The following ADAMTS17 variants were observed in gnomAD, a reference collection of about 807,000 sequenced individuals.
ADAMTS17 encodes A disintegrin and metalloproteinase with thrombospondin motifs 17.
ADAMTS17 carries 113 observed loss-of-function variants against 141.5 expected under a neutral mutation model. The ratio of observed to expected loss-of-function variants is 0.80; its 90% CI spans 0.69 to 0.93. The LOEUF is 0.93. Among genes scored for constraint, ADAMTS17 ranks in the 40% least tolerant of loss-of-function variants. The pLI, the probability that ADAMTS17 is intolerant of heterozygous loss-of-function variation, is 0.00. For missense variants in ADAMTS17, 1,659 were observed against 1,517.9 expected (o/e 1.09, Z -1.54); for synonymous variants, 768 against 630.6 (o/e 1.22, Z -3.27).
rs574457623 is a variant in ADAMTS17, at chr15:100,207,066, A to G, written c.1076-7643T>C. On this transcript the variant is annotated intron_variant, in intron 7 of 21. Transcript: ENST00000268070. ...CTGAAATTCAGAGGTTGAAGCCCTAATCTCCAATGTCACTGTATTTGGAGA... is the reference window on the plus strand; with the variant it reads ...CTGAAATTCAGAGGTTGAAGCCCTAGTCTCCAATGTCACTGTATTTGGAGA... 2.6e-5 allele frequency among the ~76,000 whole-genome samples: 4 copies of G among 152,326 alleles called. No individual in the cohort carries two copies. The East Asian group carries it at 7.7e-4, about 29-fold the overall frequency.
chr15:100,080,019 G>A (rs188863398), intron 15 of ADAMTS17, among the ~76,000 whole-genome samples: 78 of 152,290 alleles, frequency 5.1e-4, no homozygotes, highest in South Asian at 2.1e-3. Flanking sequence ...CCAGCAGGCC[G>A]TATATGTTCT....
intron 6 of ADAMTS17, among the ~76,000 whole-genome samples, chr15:100,255,435 A>T (rs2043292259): frequency 6.6e-6 from 1 of 152,178 alleles, no homozygotes; most frequent in African/African-American, 2.4e-5. Context: ...AGAGATGAAA[A>T]GGCCTAGAGA....
rs115345242 is a variant in ADAMTS17, at chr15:100,030,128, T to C, written c.2591+18729A>G. 6.1e-3 allele frequency among the ~76,000 whole-genome samples: 936 copies of C among 152,260 alleles called. 8 individuals are homozygous for C. The highest frequency in any genetic ancestry group is 0.022 in the African/African-American group (898 of 41,524). On this transcript the variant is annotated intron_variant, in intron 18 of 21. Transcript: ENST00000268070. ...TGACAACTCACTGGGCAGGTGCAGC[T>C]GAAATGTTTTTCCCTCCCTGTTCTC... is the stretch of plus-strand genomic sequence containing the variant.
rs116161278 is a variant in ADAMTS17, at chr15:100,076,871, G to A, written c.2137+19485C>T. Among the ~76,000 whole-genome samples, 1,447 of 151,986 alleles carry A rather than the reference G, an allele frequency of 9.5e-3. 26 individuals carry two copies. Among genetic ancestry groups the A allele is most frequent in the African/African-American group, 0.034 (1,398 of 41,442 alleles). ...CTCAATATTATATCATACTACATTT[G>A]CAATTTTTAAAAACATGTCTCAGAG... On this transcript the variant is annotated intron_variant, in intron 15 of 21. Coordinates refer to ENST00000268070, the MANE Select transcript of ADAMTS17 (RefSeq NM_139057.4).
chr15:100,061,042 C>T (rs1212349445), intron 15 of ADAMTS17, among the ~76,000 whole-genome samples: 3 of 152,188 alleles, frequency 2.0e-5, no homozygotes, highest in Non-Finnish European at 4.4e-5. Context: ...AAGCCGGCTC[C>T]AACCTCCCAC....
intron 7 of ADAMTS17, among the ~76,000 whole-genome samples, chr15:100,202,634 C>T (rs1455078579): frequency 6.6e-6 from 1 of 152,206 alleles, no homozygotes; most frequent in Non-Finnish European, 1.5e-5. Context: ...CACCACTATT[C>T]CATGTTTCTA....
intron 7 of ADAMTS17, among the ~76,000 whole-genome samples, chr15:100,246,895 A>ATTTATTTATTTT (rs1451015313): frequency 6.7e-6 from 1 of 150,202 alleles, no homozygotes; most frequent in African/African-American, 2.5e-5. Context: ...TTATTTATTT[A>ATTTATTTATTTT]TTTTTTGAGA....
At chr15:100,118,152 T>C (rs956229746) in intron 12 of ADAMTS17, among the ~76,000 whole-genome samples, 1 of 152,192 alleles carries the variant, frequency 6.6e-6, no homozygotes, top group Non-Finnish European at 1.5e-5. Context: ...ATAGTGAATA[T>C]TTTTGGTTTT....
chr15:100,303,283 G>C (rs1042320744), intron 3 of ADAMTS17, among the ~76,000 whole-genome samples: 2 of 149,812 alleles, frequency 1.3e-5, no homozygotes, highest in Non-Finnish European at 1.5e-5. Context: ...CACTGTTCAA[G>C]TCCTTTATCC....
intron 5 of ADAMTS17, 42 bp from the exon 6 acceptor site, chr15:100,261,678 G>A (rs764871462): frequency 1.0e-5 from 16 of 1,594,736 alleles, no homozygotes; most frequent in Middle Eastern, 1.7e-4. Context: ...AAACGCCTGG[G>A]AGGCCAGAGT....
chr15:100,247,841 G>A (rs563545818), intron 7 of ADAMTS17, among the ~76,000 whole-genome samples: 10 of 151,848 alleles, frequency 6.6e-5, no homozygotes, highest in Non-Finnish European at 1.0e-4. Context: ...TTCCAAAACC[G>A]ATGCTTTGTT....
chr15:100,133,436 C>A, intron 10 of ADAMTS17, 121 bp from the exon 11 acceptor site: 1 of 891,554 alleles, frequency 1.1e-6, no homozygotes, highest in Non-Finnish European at 1.8e-6. Context: ...TATGGGGAAG[C>A]CAGAGGGTCA....
At chr15:100,194,910 C>G (rs2041053539) in intron 8 of ADAMTS17, among the ~76,000 whole-genome samples, 1 of 152,188 alleles carries the variant, frequency 6.6e-6, no homozygotes, top group African/African-American at 2.4e-5. Flanking sequence ...GGGGCTGCTG[C>G]TTTCTAACGG....
intron 8 of ADAMTS17, among the ~76,000 whole-genome samples, chr15:100,157,349 A>G (rs552554693): frequency 6.6e-6 from 1 of 152,340 alleles, no homozygotes; most frequent in Admixed American, 6.5e-5. Flanking sequence ...GAAAAAAACT[A>G]ATGTTTTTAT....
In ADAMTS17 at chr15:100,098,462, C is replaced by T. The variant is rs140127685; in HGVS notation, c.2017-1986G>A. 6.1e-3 allele frequency among the ~76,000 whole-genome samples: 928 copies of T among 152,212 alleles called. 6 individuals carry two copies. Among genetic ancestry groups the T allele is most frequent in the Middle Eastern group, 0.017 (5 of 294 alleles). ...AGGAGTTCAAGACCAGCCTGGTCAA[C>T]ATGGTGAAACCCCGTCTCTACTAAA... On this transcript the variant is annotated intron_variant, in intron 14 of 21. Coordinates refer to ENST00000268070, the MANE Select transcript of ADAMTS17 (RefSeq NM_139057.4).
At chr15:100,071,411 A>C (rs960420262) in intron 15 of ADAMTS17, among the ~76,000 whole-genome samples, 2 of 150,040 alleles carry the variant, frequency 1.3e-5, no homozygotes, top group African/African-American at 4.9e-5. Flanking sequence ...CATCATCCTG[A>C]TACCAAAGCC....
chr15:100,318,574 C>G (rs2045636738), intron 3 of ADAMTS17, among the ~76,000 whole-genome samples: 1 of 152,210 alleles, frequency 6.6e-6, no homozygotes, highest in South Asian at 2.1e-4. Flanking sequence ...TTGGGCTTCC[C>G]AGACTGTAGA....
At chr15:100,083,540 G>T (rs1386335104) in intron 15 of ADAMTS17, among the ~76,000 whole-genome samples, 2 of 152,024 alleles carry the variant, frequency 1.3e-5, no homozygotes, top group Non-Finnish European at 2.9e-5. Flanking sequence ...CATCCAGAAA[G>T]AAAGTTTCTC....
At chr15:100,117,145 C>T (rs2037189910) in intron 12 of ADAMTS17, 132 bp from the exon 13 acceptor site, 2 of 1,029,798 alleles carry the variant, frequency 1.9e-6, no homozygotes, top group Non-Finnish European at 2.9e-6. Flanking sequence ...CCCCTCTCTG[C>T]TGTTACAGAC....
Sources: gnomAD v4.1 joint callset for allele counts (sites outside exome capture counted in the v4.1 genomes callset) on GRCh38, gnomAD v4.1.1 for gene constraint, MANE v1.5 for transcripts, NCBI Gene and HGNC (gene_info 2026-07-23, HGNC 2026-07-21) for gene names.